The following ZDHHC2 variants were observed in gnomAD, a reference collection of about 807,000 sequenced individuals.
ZDHHC2 encodes zDHHC palmitoyltransferase 2.
Under a neutral mutation model 55.6 loss-of-function variants are expected in ZDHHC2, and 51 were observed. The observed-to-expected ratio is 0.92, with a 90% CI of 0.73 to 1.16. ZDHHC2 has a LOEUF of 1.16. ZDHHC2 is among the 50% of genes most tolerant of loss of function. ZDHHC2 has a pLI of 0.00. For missense variants in ZDHHC2, 491 were observed against 442.4 expected (o/e 1.11, Z -0.99); for synonymous variants, 199 against 152.9 (o/e 1.30, Z -2.22).
rs142591570 is a variant in ZDHHC2, at chr8:17,168,699, G to T, written c.130+11846G>T. ...AGCCACCATTCTACTTTCTGCCTCC[G>T]TGAGTCCAACTGTCCAGGTAGCTCC... On this transcript the variant is annotated intron_variant, in intron 1 of 12. Coordinates refer to ENST00000262096, the MANE Select transcript of ZDHHC2 (RefSeq NM_016353.5). Among the ~76,000 whole-genome samples the T allele has an allele frequency of 1.4e-4, 21 of 151,368 alleles. 1 individual carries two copies. In the East Asian group the frequency reaches 3.9e-3, roughly 28 times the overall value.
At chr8:17,198,563 C>G (rs1352838916) in intron 6 of ZDHHC2, 150 bp downstream of exon 6, 2 of 694,366 alleles carry the variant, frequency 2.9e-6, no homozygotes, top group Admixed American at 3.9e-5. Flanking sequence ...ATTTGTTTAA[C>G]TTAAAAGAGC....
At chr8:17,201,194 C>T (rs940384526) in intron 6 of ZDHHC2, among the ~76,000 whole-genome samples, 4 of 152,166 alleles carry the variant, frequency 2.6e-5, no homozygotes, top group Non-Finnish European at 5.9e-5. Context: ...GCACAGAGAA[C>T]CAGGATTGTT....
In ZDHHC2 at chr8:17,201,785, C is replaced by T. The variant is rs73669032; in HGVS notation, c.476+3372C>T. ...TGGTAGGATTACAGGCATGAGCCAA[C>T]GCGCCCGGCCAGGGCAGCTTTTTTA... On this transcript the variant is annotated intron_variant, in intron 6 of 12. Transcript: ENST00000262096. 5.6e-3 allele frequency among the ~76,000 whole-genome samples: 856 copies of T among 151,808 alleles called. 15 individuals are homozygous for T. The highest frequency in any genetic ancestry group is 0.02 in the African/African-American group (823 of 41,422).
At chr8:17,203,888 C>G (rs1027409219) in intron 6 of ZDHHC2, among the ~76,000 whole-genome samples, 1 of 150,018 alleles carries the variant, frequency 6.7e-6, no homozygotes, top group African/African-American at 2.5e-5. Flanking sequence ...GCTCACTGCA[C>G]CCTCCACCTC....
At chr8:17,206,761 A>G (rs1265102902) in intron 7 of ZDHHC2, among the ~76,000 whole-genome samples, 1 of 152,236 alleles carries the variant, frequency 6.6e-6, no homozygotes, top group African/African-American at 2.4e-5. Context: ...AAATGACAGT[A>G]AAAAAGCAAT....
In ZDHHC2 at chr8:17,186,497, A is replaced by G. The variant is rs1000222091; in HGVS notation, c.252+72A>G. On this transcript the variant is annotated intron_variant, in intron 3 of 12. Coordinates refer to ENST00000262096, the MANE Select transcript of ZDHHC2 (RefSeq NM_016353.5). Reference sequence around the variant, plus strand: ...ATACTGATGTATTATTGAAGAACGAATTTTATTTTAATGTTGCAAACTTAT... The same window carrying G: ...ATACTGATGTATTATTGAAGAACGAGTTTTATTTTAATGTTGCAAACTTAT... The G allele has an allele frequency of 7.7e-6, 7 of 909,960 alleles. 1 individual carries two copies. The South Asian group carries it at 1.2e-4, about 15-fold the overall frequency. The allele number at this position is 909,960 out of a possible 1,614,324, so 56.4% of individuals were successfully genotyped here. A position where few individuals can be genotyped will look rare whatever the true frequency, so the allele number is the denominator to read the frequency against.
At chr8:17,215,441 G>A (rs747379093) in intron 11 of ZDHHC2, 92 bp downstream of exon 11, 261 of 965,456 alleles carry the variant, frequency 2.7e-4, no homozygotes, top group Non-Finnish European at 3.6e-4. Flanking sequence ...ACCTACAGAT[G>A]TTTTCTTAGT....
At chr8:17,199,502 C>CTTCTTTCTTCTTCTTTATTCT (rs1563161078) in intron 6 of ZDHHC2, among the ~76,000 whole-genome samples, 1 of 41,594 alleles carries the variant, frequency 2.4e-5, no homozygotes, top group African/African-American at 6.9e-5. Context: ...TCTTCTTCTT[C>CTTCTTTCTTCTTCTTTATTCT]TTCTTCTTCT....
chr8:17,176,970 A>G (rs1442214515), intron 1 of ZDHHC2, among the ~76,000 whole-genome samples: 1 of 152,230 alleles, frequency 6.6e-6, no homozygotes, highest in Non-Finnish European at 1.5e-5. Context: ...AACGTGAATA[A>G]CATATTTTTC....
chr8:17,199,546 T>TCTTCGTCTTCGTCTTCGTCTTGTCTTC lies in ZDHHC2; in HGVS notation c.476+1133_476+1134insCTTCGTCTTCGTCTTCGTCTTGTCTTC, dbSNP rs1806566009. Among the ~76,000 whole-genome samples, 45 of 40,654 alleles carry TCTTCGTCTTCGTCTTCGTCTTGTCTTC rather than the reference T, an allele frequency of 1.1e-3. 1 individual carries two copies. The highest frequency in any genetic ancestry group is 3.2e-3 in the African/African-American group (44 of 13,604). The allele number at this position is 40,654 out of a possible 152,430, so 26.7% of individuals were successfully genotyped here. A position where few individuals can be genotyped will look rare whatever the true frequency, so the allele number is the denominator to read the frequency against. ...GTCTTCGTCTTCTGTCTTCGTCTTCTGTCTTCGTCTTCGTCTTCTTCGTCT... is the reference window on the plus strand; with the variant it reads ...GTCTTCGTCTTCTGTCTTCGTCTTCTCTTCGTCTTCGTCTTCGTCTTGTCTTCGTCTTCGTCTTCGTCTTCTTCGTCT... On this transcript the variant is annotated intron_variant, in intron 6 of 12. Coordinates refer to ENST00000262096, the MANE Select transcript of ZDHHC2 (RefSeq NM_016353.5).
chr8:17,203,749 A>C (rs1806937398), intron 6 of ZDHHC2, among the ~76,000 whole-genome samples: 2 of 151,874 alleles, frequency 1.3e-5, no homozygotes, highest in African/African-American at 4.8e-5. Context: ...GAACCTCTAG[A>C]GATGCAGATG....
intron 1 of ZDHHC2, among the ~76,000 whole-genome samples, chr8:17,159,141 A>G (rs1804208882): frequency 6.6e-6 from 1 of 152,170 alleles, no homozygotes; most frequent in Non-Finnish European, 1.5e-5. Flanking sequence ...AGTGTGACTG[A>G]CACACAAAAC....
chr8:17,192,957 T>A lies in ZDHHC2; in HGVS notation c.253-2547T>A, dbSNP rs185832137. On this transcript the variant is annotated intron_variant, in intron 3 of 12. Transcript: ENST00000262096. ...TGTAAGGATTTGTTTCTGGGCTCTC[T>A]GTTCTTTTCCATTGGTCTATGTATG... is the stretch of plus-strand genomic sequence containing the variant. Among the ~76,000 whole-genome samples, 27 of 152,338 alleles carry A rather than the reference T, an allele frequency of 1.8e-4. No homozygotes were observed. In the East Asian group the frequency reaches 5.2e-3, roughly 29 times the overall value.
chr8:17,173,559 T>C (rs1458333617), intron 1 of ZDHHC2, among the ~76,000 whole-genome samples: 1 of 151,600 alleles, frequency 6.6e-6, no homozygotes, highest in Non-Finnish European at 1.5e-5. Context: ...GGCACGCATC[T>C]GTGGTCCCAG....
At chr8:17,208,650 T>A (rs144134460) in intron 8 of ZDHHC2, among the ~76,000 whole-genome samples, 6 of 152,160 alleles carry the variant, frequency 3.9e-5, no homozygotes, top group Non-Finnish European at 7.4e-5. Flanking sequence ...CAATTAGTGT[T>A]CATTTTCAGT....
intron 1 of ZDHHC2, among the ~76,000 whole-genome samples, chr8:17,166,314 T>C (rs982268860): frequency 6.6e-6 from 1 of 151,962 alleles, no homozygotes; most frequent in Admixed American, 6.6e-5. Context: ...CAGATTTGAG[T>C]TGTGTAAGAA....
At chr8:17,167,354 G>A (rs1179156362) in intron 1 of ZDHHC2, among the ~76,000 whole-genome samples, 1 of 131,434 alleles carries the variant, frequency 7.6e-6, no homozygotes, top group Non-Finnish European at 1.5e-5. Context: ...CAGCCAGGCT[G>A]AAGTGCGATG....
At chr8:17,216,593 C>T (rs1211458698) in intron 11 of ZDHHC2, among the ~76,000 whole-genome samples, 2 of 152,066 alleles carry the variant, frequency 1.3e-5, no homozygotes, top group Admixed American at 6.6e-5. Context: ...ATTGTTGAGA[C>T]GTGGAAAAAC....
rs1179130934 is a variant in ZDHHC2, at chr8:17,171,175, A to G, written c.131-13614A>G. Among the ~76,000 whole-genome samples the G allele has an allele frequency of 6.6e-5, 10 of 152,168 alleles. No homozygotes were observed. In the South Asian group the frequency reaches 1.7e-3, roughly 25 times the overall value. On this transcript the variant is annotated intron_variant, in intron 1 of 12. Transcript: ENST00000262096. ...GGGGCTGAAACAATTCAGTGGTTGT[A>G]GGAACTTGGAGTTGAGTTGTAGCCA...
Sources: gnomAD v4.1 joint callset for allele counts (sites outside exome capture counted in the v4.1 genomes callset) on GRCh38, gnomAD v4.1.1 for gene constraint, MANE v1.5 for transcripts, NCBI Gene and HGNC (gene_info 2026-07-23, HGNC 2026-07-21) for gene names.